MPRIP: variants seen among roughly 807,000 people sequenced by gnomAD.
MPRIP encodes the protein myosin phosphatase Rho-interacting protein.
Under a neutral mutation model 234.9 loss-of-function variants are expected in MPRIP, and 59 were observed. The ratio of observed to expected loss-of-function variants is 0.25; its 90% CI spans 0.20 to 0.31. The LOEUF (loss-of-function observed/expected upper bound fraction) is 0.31, where lower values mean the gene tolerates loss of function less well. Ranked by LOEUF, MPRIP falls within the 10% of genes least tolerant of loss-of-function variation. MPRIP has a pLI of 1.00. For missense variants in MPRIP, 2,436 were observed against 3,071.0 expected, an observed-to-expected ratio of 0.79 and a Z score of 4.89; for synonymous variants, 1,144 against 1,263.9, an observed-to-expected ratio of 0.91 and a Z score of 2.01.
intron 15 of MPRIP, among the ~76,000 whole-genome samples, 171 bp from the exon 16 acceptor site, chr17:17,163,938 A>G (rs929201928): frequency 2.0e-5 from 3 of 151,958 alleles, no homozygotes; most frequent in Non-Finnish European, 4.4e-5. Flanking sequence ...TAAAAAAAAA[A>G]AAAAAGAAAA....
intron 1 of MPRIP, among the ~76,000 whole-genome samples, chr17:17,051,455 T>C (rs1256613388): frequency 6.6e-6 from 1 of 151,968 alleles, no homozygotes; most frequent in African/African-American, 2.4e-5. Flanking sequence ...TTGGACCAGG[T>C]GGATGGTTTT....
intron 3 of MPRIP, among the ~76,000 whole-genome samples, chr17:17,121,671 T>C (rs142056131): frequency 6.6e-6 from 1 of 152,092 alleles, no homozygotes; most frequent in Admixed American, 6.5e-5. Context: ...TTCTTTTTCT[T>C]TTTTTAAGTT....
Position 17,161,147 on chromosome 17 carries a change from C to A in MPRIP, c.2401-93C>A, listed in dbSNP as rs181812803. 234 of 821,412 alleles carry A rather than the reference C, an allele frequency of 2.8e-4. 2 individuals are homozygous for A. The highest frequency in any genetic ancestry group is 1.9e-3 in the Middle Eastern group (5 of 2,666). The allele number at this position is 821,412 out of a possible 1,614,324, so 50.9% of individuals were successfully genotyped here. A position where few individuals can be genotyped will look rare whatever the true frequency, so the allele number is the denominator to read the frequency against. On this transcript the variant is annotated intron_variant, in intron 14 of 23. Transcript: ENST00000651222. ...ATGTGGAGACTCCAAAACTCTTGGG[C>A]CACATGGAAGACCAGTGAAAGAGTC...
intron 11 of MPRIP, 87 bp from the exon 12 acceptor site, chr17:17,150,057 T>C (rs1597464365): frequency 2.1e-6 from 2 of 930,354 alleles, no homozygotes; most frequent in East Asian, 4.8e-5. Context: ...GTAAAGTCAG[T>C]GCAGAAAATC....
chr17:17,089,289 T>C (rs1292579882), intron 3 of MPRIP, among the ~76,000 whole-genome samples: 1 of 152,174 alleles, frequency 6.6e-6, no homozygotes, highest in Admixed American at 6.5e-5. Flanking sequence ...CCTTCTGAGG[T>C]CCCGGGGGAG....
At chr17:17,052,148 T>C (rs1207313182) in intron 1 of MPRIP, among the ~76,000 whole-genome samples, 1 of 152,192 alleles carries the variant, frequency 6.6e-6, no homozygotes, top group Admixed American at 6.5e-5. Context: ...TGCTCAGCAA[T>C]GGGGCCGTGA....
At chr17:17,137,838 G>GGC in intron 6 of MPRIP, 78 bp from the exon 7 acceptor site, 1 of 1,370,810 alleles carries the variant, frequency 7.3e-7, no homozygotes, top group South Asian at 1.5e-5. Flanking sequence ...ATCCTACATG[G>GGC]GCTTTAAAAA....
At chr17:17,135,275 C>G (rs1164749021) in intron 5 of MPRIP, among the ~76,000 whole-genome samples, 1 of 58,406 alleles carries the variant, frequency 1.7e-5, no homozygotes, top group Non-Finnish European at 3.3e-5. Flanking sequence ...CCCACAAACA[C>G]TTCTCCCTCG....
In MPRIP at chr17:17,078,114, T is replaced by C; in HGVS notation, c.267+38T>C. The stretch of plus-strand genomic sequence containing the variant: ...CTTGCCCACTCCCTGTCCCCAGCCT[T>C]CACCAAGTCCCTCCATTACAGTGCC... On this transcript the variant is annotated intron_variant, in intron 3 of 23. Transcript: ENST00000651222. This position sits in a 1 kb window ranked among gnomAD's most constrained non-coding sequence, Gnocchi z 4.3. 6.2e-7 allele frequency: 1 copy of C among 1,606,946 alleles called. No homozygotes were observed. Among genetic ancestry groups the C allele is most frequent in the Non-Finnish European group, 8.5e-7 (1 of 1,173,706 alleles).
chr17:17,068,161 GT>G (rs2089097496), intron 1 of MPRIP, among the ~76,000 whole-genome samples: 1 of 150,032 alleles, frequency 6.7e-6, no homozygotes. Flanking sequence ...TTTGTTTTTT[GT>G]TTTTTGAGAT....
At chr17:17,076,936 C>CTTTTTTTTTTT (rs5819598) in intron 2 of MPRIP, 3 of 91,386 alleles carry the variant, frequency 3.3e-5, no homozygotes, top group African/African-American at 1.3e-4. Flanking sequence ...GGGCTCTTTG[C>CTTTTTTTTTTT]TTTTTTTTTT....
At chr17:17,072,680 G>A (rs571746424) in intron 1 of MPRIP, among the ~76,000 whole-genome samples, 1 of 152,212 alleles carries the variant, frequency 6.6e-6, no homozygotes, top group African/African-American at 2.4e-5. Context: ...GGGAGGCTGC[G>A]CAGCCCACGT....
rs753270559 is a variant in MPRIP, at chr17:17,164,432, G to A, written c.2841G>A (p.Ala947=). 1.4e-4 allele frequency: 177 copies of A among 1,264,942 alleles called. No individual in the cohort carries two copies. Among genetic ancestry groups the A allele is most frequent in the Non-Finnish European group, 1.8e-4 (173 of 974,832 alleles). 78.4% of individuals were successfully genotyped at this position (1,264,942 alleles called of 1,614,324 possible). ...AGGAGCGGCAACACAGCGAGGCGGC[G>A]CTGAGCAGCCAGCTGAGGGCTAGCG... ...QLEERQHSEA[A]LSSQLRASEQ... The change falls in exon 16 of 24, where the codon GCG becomes GCA. Residue 947 remains alanine (A), a synonymous_variant. Transcript: ENST00000651222.
At position 17,166,870 on chromosome 17, in the gene MPRIP, G is replaced by C. The variant is rs1244863623; in HGVS notation, c.5279G>C (p.Ser1760Thr). 7.7e-7 allele frequency: 1 copy of C among 1,304,086 alleles called. No homozygotes were observed. The highest frequency in any genetic ancestry group is 1.0e-6 in the Non-Finnish European group (1 of 988,962). The allele number at this position is 1,304,086 out of a possible 1,614,324, so 80.8% of individuals were successfully genotyped here. A position where few individuals can be genotyped will look rare whatever the true frequency, so the allele number is the denominator to read the frequency against. The change falls in exon 16 of 24, where the codon AGC (serine) becomes ACC (threonine). Residue 1760 changes from serine to threonine, a missense_variant. Physicochemically the swap from Ser to Thr is moderately conservative, Grantham distance 58. Coordinates refer to ENST00000651222, the MANE Select transcript of MPRIP (RefSeq NM_001364716.4). This position sits in a 1 kb window ranked among gnomAD's most constrained non-coding sequence, Gnocchi z 4.4. ...GAAGTCCTGGGCCGAGACTCAGACA[G>C]CTCTCAGGAGCCCTTCGATGTGTCT... The part of the protein sequence containing the change: ...LGEVLGRDSD[S>T]SQEPFDVSDQ...
intron 3 of MPRIP, among the ~76,000 whole-genome samples, chr17:17,112,809 C>T (rs1331385556): frequency 7.9e-5 from 12 of 152,178 alleles, no homozygotes. Context: ...GATGAGGCGG[C>T]CCTCAGGCTG....
chr17:17,125,488 C>T (rs2090474413), intron 3 of MPRIP, among the ~76,000 whole-genome samples: 1 of 152,252 alleles, frequency 6.6e-6, no homozygotes, highest in Admixed American at 6.5e-5. Flanking sequence ...CTGACTCCTG[C>T]AGGCAGGCAT....
At chr17:17,044,204 G>A (rs1433205096) in intron 1 of MPRIP, among the ~76,000 whole-genome samples, 3 of 152,232 alleles carry the variant, frequency 2.0e-5, no homozygotes, top group Non-Finnish European at 4.4e-5. Context: ...CAAAGTCATA[G>A]ATGGTTAAGA....
At chr17:17,051,788 A>C (rs964421259) in intron 1 of MPRIP, among the ~76,000 whole-genome samples, 3 of 152,048 alleles carry the variant, frequency 2.0e-5, no homozygotes, top group African/African-American at 7.3e-5. Context: ...CTTCCAAACC[A>C]CTCACTGGTT....
intron 7 of MPRIP, chr17:17,141,401 C>T (rs1905798856): frequency 6.6e-6 from 1 of 152,404 alleles, no homozygotes; most frequent in African/African-American, 2.4e-5. Context: ...CCTGCCTCCG[C>T]TGCTGGTTCT....
Sources: gnomAD v4.1 joint callset for allele counts (sites outside exome capture counted in the v4.1 genomes callset) on GRCh38, gnomAD v4.1.1 for gene constraint, Gnocchi (gnomAD v3.1) non-coding constraint, MANE v1.5 for transcripts, NCBI Gene and HGNC (gene_info 2026-07-23, HGNC 2026-07-21) for gene names.